Variants in CYFIP2 observed in about 807,000 individuals in gnomAD.
CYFIP2 encodes the protein cytoplasmic FMR1-interacting protein 2.
Under a neutral mutation model 158.7 loss-of-function variants are expected in CYFIP2, and 29 were observed. The ratio of observed to expected loss-of-function variants is 0.18; its 90% CI spans 0.14 to 0.25. CYFIP2 has a LOEUF of 0.25. Among genes scored for constraint, CYFIP2 ranks in the 10% least tolerant of loss-of-function variants. The pLI, the probability that CYFIP2 is intolerant of heterozygous loss-of-function variation, is 1.00. For synonymous variants in CYFIP2, 585 were observed against 617.6 expected (o/e 0.95, Z 0.78); for missense variants, 852 against 1,639.5 (o/e 0.52, Z 8.29).
chr5:157,298,643 G>A (rs1758449971), intron 5 of CYFIP2, among the ~76,000 whole-genome samples: 1 of 151,886 alleles, frequency 6.6e-6, no homozygotes, highest in African/African-American at 2.4e-5. Context: ...ACCACACCCG[G>A]CCCACAATCA....
rs145782163 is a variant in CYFIP2 at position 157,310,905 on chromosome 5, A to G, written c.993-759A>G. 5.4e-3 allele frequency: 2,358 copies of G among 435,240 alleles called. 17 individuals carry two copies. Among genetic ancestry groups the G allele is most frequent in the Admixed American group, 8.2e-3 (336 of 40,750 alleles). The allele number at this position is 435,240 out of a possible 1,614,324, so 27.0% of individuals were successfully genotyped here. A position where few individuals can be genotyped will look rare whatever the true frequency, so the allele number is the denominator to read the frequency against. On this transcript the variant is annotated intron_variant, in intron 10 of 30. Transcript: ENST00000620254. ...TGCTTCATCTGTCTGCTGGGTCACC[A>G]GCACCTGAGGGTAGAAGAGGGTGAA... is the stretch of plus-strand genomic sequence containing the variant.
Position 157,335,800 on chromosome 5 carries a change from G to A in CYFIP2, c.2385+2354G>A, listed in dbSNP as rs530854877. Among the ~76,000 whole-genome samples, 3 of 152,176 alleles carry A rather than the reference G, an allele frequency of 2.0e-5. No individual in the cohort carries two copies. The South Asian group carries it at 6.2e-4, about 32-fold the overall frequency. ...TGGTTAGCAGTGATTAGCTCCAAGT[G>A]GCGGGATTTTTTTTTCTTTTTTGTT... On this transcript the variant is annotated intron_variant, in intron 21 of 30. Coordinates refer to ENST00000620254, the MANE Select transcript of CYFIP2 (RefSeq NM_001037333.3).
intron 8 of CYFIP2, among the ~76,000 whole-genome samples, chr5:157,307,422 A>G (rs1759325012): frequency 6.6e-6 from 1 of 151,134 alleles, no homozygotes; most frequent in African/African-American, 2.5e-5. Context: ...TGTGTCTCTG[A>G]TTCCTCATCT....
Position 157,311,657 on chromosome 5 carries a change from T to C in CYFIP2, c.993-7T>C. 2 of 1,599,044 alleles carry C rather than the reference T, an allele frequency of 1.3e-6. No individual in the cohort carries two copies. The highest frequency in any genetic ancestry group is 1.7e-5 in the Admixed American group (1 of 57,646). On this transcript the variant is annotated splice_polypyrimidine_tract_variant and splice_region_variant and intron_variant, in intron 10 of 30. Transcript: ENST00000620254. The surrounding 1 kb of genome is among the most constrained non-coding windows in gnomAD (Gnocchi z 4.7). ...GACCCTCTCCGACCCCATAATTTTC[T>C]ACCCAGGTGGACGTGCACCCAGAGC... is the stretch of plus-strand genomic sequence containing the variant.
At chr5:157,337,130 G>A (rs1387191753) in intron 21 of CYFIP2, among the ~76,000 whole-genome samples, 1 of 152,078 alleles carries the variant, frequency 6.6e-6, no homozygotes, top group Non-Finnish European at 1.5e-5. Context: ...CTTACTCCAT[G>A]TATTTTTTAT....
intron 9 of CYFIP2, among the ~76,000 whole-genome samples, chr5:157,308,376 A>G (rs975195420): frequency 2.3e-4 from 35 of 152,338 alleles, no homozygotes; most frequent in African/African-American, 8.2e-4. Flanking sequence ...AGAATGCCTC[A>G]GCAACGTTCA....
intron 1 of CYFIP2, among the ~76,000 whole-genome samples, chr5:157,281,737 G>A (rs891233398): frequency 6.6e-6 from 1 of 152,154 alleles, no homozygotes; most frequent in Non-Finnish European, 1.5e-5. Context: ...TATGTAAAAT[G>A]TTTTGACGTT....
At chr5:157,317,921 C>G (rs929447584) in intron 13 of CYFIP2, among the ~76,000 whole-genome samples, 2 of 152,116 alleles carry the variant, frequency 1.3e-5, no homozygotes, top group African/African-American at 4.8e-5. Context: ...GGGTTTGTCT[C>G]TAGACCAGCC....
Position 157,266,171 on chromosome 5 carries a change from TC to T in CYFIP2, c.-44del. The T allele has an allele frequency of 6.7e-6, 1 of 150,328 alleles. No homozygotes were observed. The highest frequency in any genetic ancestry group is 1.5e-5 in the Non-Finnish European group (1 of 67,396). The allele number at this position is 150,328 out of a possible 1,614,324, so 9.3% of individuals were successfully genotyped here. A position where few individuals can be genotyped will look rare whatever the true frequency, so the allele number is the denominator to read the frequency against. ...GGGCCCTGCGGTAGCCTCAGGCCCC[TC>T]CCCTGGACCCGCCGCAGAGCCAGGT... On this transcript the variant is annotated 5_prime_UTR_variant, in exon 1 of 31. Coordinates refer to ENST00000620254, the MANE Select transcript of CYFIP2 (RefSeq NM_001037333.3). This position sits in a 1 kb window ranked among gnomAD's most constrained non-coding sequence, Gnocchi z 4.2.
chr5:157,294,662 C>A, intron 3 of CYFIP2, 121 bp from the exon 4 acceptor site: 2 of 668,978 alleles, frequency 3.0e-6, no homozygotes, highest in Non-Finnish European at 5.1e-6. Flanking sequence ...AGTAAGGTCC[C>A]CAAGTGATGT....
intron 26 of CYFIP2, among the ~76,000 whole-genome samples, chr5:157,374,220 TTGATGTATGAGG>T (rs1309098414): frequency 6.6e-6 from 1 of 152,152 alleles, no homozygotes; most frequent in Non-Finnish European, 1.5e-5. Flanking sequence ...TCAATAGTGG[TTGATGTATGAGG>T]TGACCCCAGG....
intron 28 of CYFIP2, chr5:157,384,367 G>A (rs1393218986): frequency 6.6e-6 from 3 of 456,552 alleles, no homozygotes; most frequent in Admixed American, 2.3e-5. Flanking sequence ...GAGAAACAGG[G>A]TATTCTAGTG....
chr5:157,279,431 A>G (rs976262759), intron 1 of CYFIP2, among the ~76,000 whole-genome samples: 1 of 152,274 alleles, frequency 6.6e-6, no homozygotes, highest in Non-Finnish European at 1.5e-5. Flanking sequence ...ACAGAGAAAC[A>G]GGGTTTAAGC....
Position 157,361,491 on chromosome 5 carries a change from C to T in CYFIP2, c.2932C>T (p.Gln978Ter), listed in dbSNP as rs769664920. ...SPGILEFFHH[Q>*]LKDIIEYAEL... ...AGGGATCCTGGAGTTCTTCCACCACCAGCTGAAGGACATCATTGAGTACGC... is the reference window on the plus strand; with the variant it reads ...AGGGATCCTGGAGTTCTTCCACCACTAGCTGAAGGACATCATTGAGTACGC... The change falls in exon 26 of 31, where the codon CAG becomes TAG. Residue 978 changes from glutamine to a stop codon, truncating the protein, a stop_gained. Transcript: ENST00000620254. LOFTEE classifies it high-confidence loss of function. The surrounding 1 kb of genome is among the most constrained non-coding windows in gnomAD (Gnocchi z 4.4). 1 of 1,614,070 alleles carries T rather than the reference C, an allele frequency of 6.2e-7. No homozygotes were observed. Among genetic ancestry groups the T allele is most frequent in the Non-Finnish European group, 8.5e-7 (1 of 1,180,000 alleles).
intron 8 of CYFIP2, among the ~76,000 whole-genome samples, chr5:157,305,982 G>C (rs925840190): frequency 3.0e-4 from 46 of 152,076 alleles, no homozygotes; most frequent in African/African-American, 7.7e-4. Flanking sequence ...GCCTTCCTTA[G>C]CCATTATTCC....
chr5:157,275,407 A>G (rs973915219), intron 1 of CYFIP2, among the ~76,000 whole-genome samples: 1 of 152,216 alleles, frequency 6.6e-6, no homozygotes, highest in Admixed American at 6.5e-5. Flanking sequence ...CATTTGTTGA[A>G]AAGAATATTC....
At chr5:157,299,037 GTA>G (rs1390286983) in intron 5 of CYFIP2, among the ~76,000 whole-genome samples, 4 of 152,150 alleles carry the variant, frequency 2.6e-5, no homozygotes, top group Non-Finnish European at 5.9e-5. Flanking sequence ...TCACGTACAA[GTA>G]TTTGTGTGGA....
rs1002309058 is a variant in CYFIP2 at position 157,372,020 on chromosome 5, C to T, written c.3039+10422C>T. On this transcript the variant is annotated intron_variant, in intron 26 of 30. Coordinates refer to ENST00000620254, the MANE Select transcript of CYFIP2 (RefSeq NM_001037333.3). The stretch of plus-strand genomic sequence containing the variant: ...ATTAACTCCTCCCAGAGAGAAACTT[C>T]TGCAGAAGCACAAGCTCCTGGGAGT... 2.0e-5 allele frequency among the ~76,000 whole-genome samples: 3 copies of T among 152,310 alleles called. No homozygotes were observed. The South Asian group carries it at 6.2e-4, about 32-fold the overall frequency.
At position 157,311,617 on chromosome 5, in the gene CYFIP2, G is replaced by A; in HGVS notation, c.993-47G>A. 6.5e-7 allele frequency: 1 copy of A among 1,532,854 alleles called. No homozygotes were observed. The highest frequency in any genetic ancestry group is 1.2e-5 in the South Asian group (1 of 82,626). The allele number at this position is 1,532,854 out of a possible 1,614,324, so 95.0% of individuals were successfully genotyped here. On this transcript the variant is annotated intron_variant, in intron 10 of 30. Coordinates refer to ENST00000620254, the MANE Select transcript of CYFIP2 (RefSeq NM_001037333.3). This position sits in a 1 kb window ranked among gnomAD's most constrained non-coding sequence, Gnocchi z 4.7. ...GAGCAGCTAATGCCTGTTCCACCCA[G>A]GCGCCTGAGGCTGGGACCCTCTCCG...
Sources: allele counts gnomAD v4.1 joint callset (sites outside exome capture counted in the v4.1 genomes callset), GRCh38; gene constraint gnomAD v4.1.1; non-coding constraint Gnocchi (gnomAD v3.1); transcripts MANE v1.5; gene names NCBI Gene and HGNC (gene_info 2026-07-23, HGNC 2026-07-21).